The following ZC3H8 variants were observed in gnomAD, a reference collection of about 807,000 sequenced individuals.
ZC3H8 encodes zinc finger CCCH-type containing 8, also known as zinc finger CCCH domain-containing protein 8.
ZC3H8 carries 27 observed loss-of-function variants against 42.5 expected under a neutral mutation model. The observed-to-expected ratio is 0.64, with a 90% CI of 0.47 to 0.88. The LOEUF (loss-of-function observed/expected upper bound fraction) is 0.88, where lower values mean the gene tolerates loss of function less well. Among genes scored for constraint, ZC3H8 ranks in the 40% least tolerant of loss-of-function variants. The pLI is 0.00. For missense variants in ZC3H8, 277 were observed against 336.1 expected (o/e 0.82, Z 1.37); for synonymous variants, 101 against 110.1 (o/e 0.92, Z 0.52).
chr2:112,220,574 C>G (rs1358357301), intron 8 of ZC3H8, among the ~76,000 whole-genome samples: 1 of 152,166 alleles, frequency 6.6e-6, no homozygotes, highest in Non-Finnish European at 1.5e-5. Context: ...GTGATCCCAG[C>G]ACTTCAGGAG....
At chr2:112,240,725 G>C (rs1685540741) in intron 2 of ZC3H8, among the ~76,000 whole-genome samples, 1 of 152,158 alleles carries the variant, frequency 6.6e-6, no homozygotes, top group African/African-American at 2.4e-5. Flanking sequence ...ATTCTTTTCA[G>C]AGGGCATTGA....
At chr2:112,228,125 G>T (rs955663977) in intron 8 of ZC3H8, among the ~76,000 whole-genome samples, 15 of 152,166 alleles carry the variant, frequency 9.9e-5, no homozygotes, top group Admixed American at 8.5e-4. Context: ...ACTAAGTACA[G>T]AAATAAATCC....
chr2:112,250,995 A>AC (rs1276200766), intron 1 of ZC3H8, among the ~76,000 whole-genome samples: 7 of 152,196 alleles, frequency 4.6e-5, no homozygotes, highest in African/African-American at 1.7e-4. Context: ...CTAAATATGA[A>AC]CCCAAGAGGG....
rs1474646958 is a variant in ZC3H8, at chr2:112,214,470, G to A, written c.*2014C>T. The A allele has an allele frequency of 6.6e-6, 1 of 151,918 alleles. No homozygotes were observed. Among genetic ancestry groups the A allele is most frequent in the Non-Finnish European group, 1.5e-5 (1 of 67,998 alleles). 9.4% of individuals were successfully genotyped at this position (151,918 alleles called of 1,614,324 possible). A position where few individuals can be genotyped will look rare whatever the true frequency, so the allele number is the denominator to read the frequency against. On this transcript the variant is annotated 3_prime_UTR_variant, in exon 9 of 9. Coordinates refer to ENST00000409573, the MANE Select transcript of ZC3H8 (RefSeq NM_032494.3). ...TCCTGGTTTGAATTTTTTAGACTAT[G>A]GTTTTATTATATATATATTATATAT...
intron 8 of ZC3H8, among the ~76,000 whole-genome samples, chr2:112,225,134 G>A (rs1684761446): frequency 6.6e-6 from 1 of 152,102 alleles, no homozygotes. Flanking sequence ...CTTGTTTCCT[G>A]AGACTTTGCT....
intron 3 of ZC3H8, 127 bp downstream of exon 3, chr2:112,238,188 T>C: frequency 1.0e-6 from 1 of 985,530 alleles, no homozygotes; most frequent in Non-Finnish European, 1.5e-6. Context: ...ATGTCTGGTA[T>C]AAATATTCAT....
At chr2:112,243,243 T>A (rs1397890062) in intron 2 of ZC3H8, among the ~76,000 whole-genome samples, 1 of 152,226 alleles carries the variant, frequency 6.6e-6, no homozygotes, top group African/African-American at 2.4e-5. Flanking sequence ...AGACTTTAAG[T>A]GCTTCAAAAT....
intron 8 of ZC3H8, among the ~76,000 whole-genome samples, chr2:112,219,543 T>C (rs1170012097): frequency 6.6e-6 from 1 of 152,222 alleles, no homozygotes; most frequent in Non-Finnish European, 1.5e-5. Context: ...CCAGAAGTCA[T>C]TCAGGACCAG....
chr2:112,231,158 T>G (rs1401877314), intron 7 of ZC3H8, among the ~76,000 whole-genome samples: 3 of 152,136 alleles, frequency 2.0e-5, no homozygotes, highest in Non-Finnish European at 4.4e-5. Flanking sequence ...AACTAAATAT[T>G]TGGTACAACT....
Position 112,250,105 on chromosome 2 carries a change from T to C in ZC3H8, c.156+86A>G, listed in dbSNP as rs1002151855. The C allele has an allele frequency of 1.2e-5, 12 of 964,150 alleles. No individual in the cohort carries two copies. In the African/African-American group the frequency reaches 2.0e-4, roughly 16 times the overall value. The allele number at this position is 964,150 out of a possible 1,614,324, so 59.7% of individuals were successfully genotyped here. ...TTAATTTCTCATATCCATTTCCATC[T>C]GTTTTTTCTTTTTTTGTTGTTCCAT... is the stretch of plus-strand genomic sequence containing the variant. On this transcript the variant is annotated intron_variant, in intron 2 of 8. Coordinates refer to ENST00000409573, the MANE Select transcript of ZC3H8 (RefSeq NM_032494.3).
chr2:112,236,531 C>G, intron 4 of ZC3H8, 31 bp downstream of exon 4: 2 of 1,606,462 alleles, frequency 1.2e-6, no homozygotes, highest in South Asian at 2.2e-5. Flanking sequence ...ATGCAGGGGT[C>G]AGGTATTCCT....
At chr2:112,226,648 A>G (rs990156893) in intron 8 of ZC3H8, among the ~76,000 whole-genome samples, 2 of 151,312 alleles carry the variant, frequency 1.3e-5, no homozygotes, top group Non-Finnish European at 1.5e-5. Context: ...AGGAGAAATA[A>G]TAACAAATTT....
At chr2:112,252,993 G>A (rs1686006575) in intron 1 of ZC3H8, among the ~76,000 whole-genome samples, 2 of 152,028 alleles carry the variant, frequency 1.3e-5, no homozygotes, top group South Asian at 4.1e-4. Flanking sequence ...AATACGTCGG[G>A]CGTGGTGGCA....
intron 2 of ZC3H8, among the ~76,000 whole-genome samples, chr2:112,242,627 A>C (rs1685623832): frequency 6.6e-6 from 1 of 152,238 alleles, no homozygotes; most frequent in African/African-American, 2.4e-5. Flanking sequence ...TATACTGTCA[A>C]GTCAGACGGC....
chr2:112,251,069 T>C (rs1685928959), intron 1 of ZC3H8, among the ~76,000 whole-genome samples: 1 of 152,200 alleles, frequency 6.6e-6, no homozygotes, highest in Non-Finnish European at 1.5e-5. Context: ...ATCTGAATAA[T>C]GGTTGATACT....
intron 8 of ZC3H8, among the ~76,000 whole-genome samples, chr2:112,226,604 A>AAAAAAAAAAAAAC (rs1176551851): frequency 6.6e-6 from 1 of 151,066 alleles, no homozygotes; most frequent in Non-Finnish European, 1.5e-5. Context: ...AAAAAAAAAA[A>AAAAAAAAAAAAAC]AGCTCAGGCC....
At chr2:112,233,191 A>T in intron 6 of ZC3H8, 69 bp downstream of exon 6, 1 of 1,046,378 alleles carries the variant, frequency 9.6e-7, no homozygotes, top group Non-Finnish European at 1.3e-6. Flanking sequence ...GGTTTCATTA[A>T]AAATTTTGCA....
intron 8 of ZC3H8, among the ~76,000 whole-genome samples, chr2:112,222,995 G>GT (rs1179241939): frequency 1.3e-5 from 2 of 151,880 alleles, no homozygotes; most frequent in African/African-American, 4.8e-5. Flanking sequence ...TTTCTTTAGT[G>GT]TTTTTTTAAA....
In ZC3H8 at chr2:112,233,379, A is replaced by G. The variant is rs538661848; in HGVS notation, c.622-8T>C. The G allele has an allele frequency of 5.1e-5, 79 of 1,535,520 alleles. No individual in the cohort carries two copies. Among genetic ancestry groups the G allele is most frequent in the Non-Finnish European group, 6.7e-5 (76 of 1,128,550 alleles). ...AAATTTACACTGGTCTCCCTAGGCC[A>G]AAAGAAGGAGCAAGGAAAAGCCATT... On this transcript the variant is annotated splice_polypyrimidine_tract_variant and splice_region_variant and intron_variant, in intron 5 of 8. Coordinates refer to ENST00000409573, the MANE Select transcript of ZC3H8 (RefSeq NM_032494.3).
Sources: allele counts gnomAD v4.1 joint callset (sites outside exome capture counted in the v4.1 genomes callset), GRCh38; gene constraint gnomAD v4.1.1; transcripts MANE v1.5; gene names NCBI Gene and HGNC (gene_info 2026-07-23, HGNC 2026-07-21).